THOC5: variants seen among roughly 807,000 people sequenced by gnomAD.
THOC5 encodes the protein THO complex subunit 5, also known as Fms-interacting protein.
Under a neutral mutation model 92.9 loss-of-function variants are expected in THOC5, and 43 were observed. The ratio of observed to expected loss-of-function variants is 0.46; its 90% CI spans 0.36 to 0.60. The LOEUF is 0.60. Ranked by LOEUF, THOC5 falls within the 20% of genes least tolerant of loss-of-function variation. The pLI is 0.00. For missense variants in THOC5, 659 were observed against 849.4 expected (o/e 0.78, Z 2.79); for synonymous variants, 296 against 320.1 (o/e 0.92, Z 0.80).
intron 17 of THOC5, 104 bp from the exon 18 acceptor site, chr22:29,512,240 T>C: frequency 1.3e-6 from 1 of 793,338 alleles, no homozygotes; most frequent in Non-Finnish European, 2.1e-6. Context: ...ATGTCTCCTA[T>C]TAATCTGAAT....
rs2051432977 is a variant in THOC5, at chr22:29,508,485, T to C, written c.2024A>G (p.His675Arg). 2 of 1,614,108 alleles carry C rather than the reference T, an allele frequency of 1.2e-6. No individual in the cohort carries two copies. Among genetic ancestry groups the C allele is most frequent in the Non-Finnish European group, 1.7e-6 (2 of 1,180,010 alleles). The part of the protein sequence containing the change: ...PSRMKPFKYN[H>R]PQGFFSHR The stretch of plus-strand genomic sequence containing the variant: ...GCGATGGCTGAAGAATCCCTGAGGA[T>C]GGTTGTATTTAAATGGCTTCATCCT... The change falls in exon 20 of 20, where the codon CAT becomes CGT. Residue 675 changes from histidine to arginine, a missense_variant. Transcript: ENST00000490103.
intron 2 of THOC5, among the ~76,000 whole-genome samples, chr22:29,547,895 T>C (rs1021104379): frequency 5.9e-5 from 9 of 152,162 alleles, no homozygotes; most frequent in Non-Finnish European, 1.2e-4. Flanking sequence ...TACCTGAAAT[T>C]GGGAACAAAA....
At chr22:29,551,338 G>A (rs1282133623) in intron 1 of THOC5, among the ~76,000 whole-genome samples, 1 of 152,162 alleles carries the variant, frequency 6.6e-6, no homozygotes, top group Non-Finnish European at 1.5e-5. Flanking sequence ...GGAGGCTGAG[G>A]TAGGAGAATC....
chr22:29,531,937 C>T lies in THOC5; in HGVS notation c.741G>A (p.Leu247=), dbSNP rs1255282486. The part of the protein sequence containing the change: ...MQASLPVQEY[L]FMPFDQAHKQ... ...TGTGAGCCTGGTCGAATGGCATAAA[C>T]AGGTACTCCTGCACCGGAAGGGAAG... Residue 247 remains leucine, a synonymous_variant, in exon 8 of 20, where the codon CTG becomes CTA. Transcript: ENST00000490103. 6.2e-7 allele frequency: 1 copy of T among 1,614,198 alleles called. No homozygotes were observed. The highest frequency in any genetic ancestry group is 2.2e-5 in the East Asian group (1 of 44,884).
intron 7 of THOC5, among the ~76,000 whole-genome samples, chr22:29,534,169 G>C (rs571323390): frequency 8.1e-4 from 123 of 152,296 alleles, no homozygotes; most frequent in Admixed American, 1.4e-3. Flanking sequence ...AACAAAAGAA[G>C]CCAGACATAG....
intron 8 of THOC5, chr22:29,531,075 C>G: frequency 8.9e-7 from 1 of 1,120,688 alleles, no homozygotes; most frequent in Non-Finnish European, 1.1e-6. Flanking sequence ...GAAAATTACT[C>G]ACCCTGTCTA....
Position 29,531,925 on chromosome 22 carries a change from G to C in THOC5, c.753C>G (p.Phe251Leu), listed in dbSNP as rs758773781. The part of the protein sequence containing the change: ...LPVQEYLFMP[F>L]DQAHKQYETA... ...TCTCATACTGCTTGTGAGCCTGGTC[G>C]AATGGCATAAACAGGTACTCCTGCA... The change falls in exon 8 of 20, where the codon TTC (phenylalanine) becomes TTG (leucine). Residue 251 changes from phenylalanine (F) to leucine (L), a missense_variant. By Grantham distance (22) the Phe-to-Leu change is conservative. Coordinates refer to ENST00000490103, the MANE Select transcript of THOC5 (RefSeq NM_003678.5). 13 of 1,614,060 alleles carry C rather than the reference G, an allele frequency of 8.1e-6. No homozygotes were observed. The highest frequency in any genetic ancestry group is 9.3e-6 in the Non-Finnish European group (11 of 1,180,050).
intron 7 of THOC5, among the ~76,000 whole-genome samples, chr22:29,534,151 T>C (rs1292377264): frequency 6.6e-6 from 1 of 152,190 alleles, no homozygotes; most frequent in Non-Finnish European, 1.5e-5. Flanking sequence ...CTTAGAAACA[T>C]ACTGCTGAAC....
chr22:29,517,044 T>G lies in THOC5; in HGVS notation c.1666A>C (p.Ile556Leu). The change falls in exon 17 of 20, where the codon ATC (isoleucine) becomes CTC (leucine). Residue 556 changes from isoleucine to leucine, a missense_variant. Coordinates refer to ENST00000490103, the MANE Select transcript of THOC5 (RefSeq NM_003678.5). ...GAGCAATTACCTGTGCCCCTTTCGA[T>G]GAGCGCCATGTAGTAGAGATTGGTG... is the stretch of plus-strand genomic sequence containing the variant. The part of the protein sequence containing the change: ...GDTNLYYMAL[I>L]ERGTAKLQAA... The G allele has an allele frequency of 1.4e-4, 225 of 1,613,386 alleles. No individual in the cohort carries two copies. Among genetic ancestry groups the G allele is most frequent in the Non-Finnish European group, 1.8e-4 (208 of 1,179,292 alleles).
chr22:29,543,413 A>T lies in THOC5; in HGVS notation c.354+16T>A. 17 of 1,559,200 alleles carry T rather than the reference A, an allele frequency of 1.1e-5. No homozygotes were observed. Among genetic ancestry groups the T allele is most frequent in the Non-Finnish European group, 1.5e-5 (17 of 1,133,154 alleles). On this transcript the variant is annotated intron_variant, in intron 4 of 19. Coordinates refer to ENST00000490103, the MANE Select transcript of THOC5 (RefSeq NM_003678.5). ...GAGGAAGGAGGAAGGTTAAAATTAA[A>T]CCTTTTAACTACTACCTCGTGGGTC...
chr22:29,550,377 G>A (rs1266214516), intron 1 of THOC5, among the ~76,000 whole-genome samples: 2 of 151,492 alleles, frequency 1.3e-5, no homozygotes, highest in Non-Finnish European at 2.9e-5. Flanking sequence ...TTGACTCCCA[G>A]GTTGATCCTA....
Position 29,539,361 on chromosome 22 carries a change from G to A in THOC5, c.568C>T (p.Arg190Cys), listed in dbSNP as rs1268231076. 10 of 1,613,960 alleles carry A rather than the reference G, an allele frequency of 6.2e-6. No individual in the cohort carries two copies. In the East Asian group the frequency reaches 6.7e-5, roughly 11 times the overall value. ...CGCTGCTCCAGCTCCCAGTCCAGAC[G>A]TGCCAGTGTTTGCTGGTGAGGGTCT... ...MGDPHQQTLA[R>C]LDWELEQRKR... The change falls in exon 6 of 20, where the codon CGT becomes TGT. Residue 190 changes from arginine to cysteine, a missense_variant. By Grantham distance (180) the Arg-to-Cys change is radical. Transcript: ENST00000490103.
rs186908928 is a variant in THOC5 at position 29,517,388 on chromosome 22, G to A, written c.1490-22C>T. 4,564 of 1,605,986 alleles carry A rather than the reference G, an allele frequency of 2.8e-3. 17 individuals carry two copies. The highest frequency in any genetic ancestry group is 2.9e-3 in the Non-Finnish European group (3,452 of 1,174,176). ...TGTTCTAAAAGAGAACAAGACAGAT[G>A]ACGTCACAGGTAGAAATCAGGTGCC... On this transcript the variant is annotated intron_variant, in intron 15 of 19. Coordinates refer to ENST00000490103, the MANE Select transcript of THOC5 (RefSeq NM_003678.5).
intron 13 of THOC5, among the ~76,000 whole-genome samples, chr22:29,520,563 A>G (rs1366299611): frequency 2.0e-5 from 3 of 152,162 alleles, no homozygotes; most frequent in Non-Finnish European, 2.9e-5. Context: ...CGACATGACC[A>G]TGGCTCACTG....
At chr22:29,516,185 G>A (rs2063329639) in intron 17 of THOC5, among the ~76,000 whole-genome samples, 2 of 151,284 alleles carry the variant, frequency 1.3e-5, no homozygotes, top group African/African-American at 4.8e-5. Flanking sequence ...GGAAAGGATG[G>A]AAAGCAAATG....
chr22:29,528,994 T>C, intron 9 of THOC5, 168 bp downstream of exon 9: 1 of 660,184 alleles, frequency 1.5e-6, no homozygotes, highest in East Asian at 2.6e-5. Context: ...GGCCGCACCT[T>C]GTGACTCCGG....
rs142031002 is a variant in THOC5 at position 29,539,201 on chromosome 22, T to C, written c.599+129A>G. ...TGAAGTTTAAACTATCCAGTGTGAT[T>C]TAATCATAAAATGGGATTTGGTCTT... On this transcript the variant is annotated intron_variant, in intron 6 of 19. Transcript: ENST00000490103. 4.4e-3 allele frequency: 4,292 copies of C among 978,894 alleles called. 20 individuals carry two copies. Among genetic ancestry groups the C allele is most frequent in the South Asian group, 6.4e-3 (392 of 61,150 alleles). The allele number at this position is 978,894 out of a possible 1,614,324, so 60.6% of individuals were successfully genotyped here. A position where few individuals can be genotyped will look rare whatever the true frequency, so the allele number is the denominator to read the frequency against.
intron 6 of THOC5, among the ~76,000 whole-genome samples, chr22:29,538,466 A>T (rs1366986948): frequency 1.8e-4 from 27 of 152,134 alleles, no homozygotes; most frequent in Admixed American, 1.8e-3. Context: ...ATACAAAATT[A>T]GATTTATGGT....
Position 29,536,743 on chromosome 22 carries a change from T to C in THOC5, c.600-5A>G. On this transcript the variant is annotated splice_region_variant and splice_polypyrimidine_tract_variant and intron_variant, in intron 6 of 19. Coordinates refer to ENST00000490103, the MANE Select transcript of THOC5 (RefSeq NM_003678.5). ...TCTCGGTACTTCTCTGCCAGCCTGT[T>C]GGGGGAGGAAAGAGCATTGTCACCT... 1.3e-6 allele frequency: 2 copies of C among 1,560,104 alleles called. No individual in the cohort carries two copies. The highest frequency in any genetic ancestry group is 1.8e-6 in the Non-Finnish European group (2 of 1,130,766).
Sources: gnomAD v4.1 joint callset for allele counts (sites outside exome capture counted in the v4.1 genomes callset) on GRCh38, gnomAD v4.1.1 for gene constraint, MANE v1.5 for transcripts, NCBI Gene and HGNC (gene_info 2026-07-23, HGNC 2026-07-21) for gene names.